Variants in MAD1L1 observed in about 807,000 individuals in gnomAD.
The protein encoded by MAD1L1 is mitotic arrest deficient 1 like 1, also known as mitotic spindle assembly checkpoint protein MAD1.
MAD1L1 carries 95 observed loss-of-function variants against 96.9 expected under a neutral mutation model. The ratio of observed to expected loss-of-function variants is 0.98; its 90% CI spans 0.83 to 1.16. MAD1L1 has a LOEUF of 1.16. Ranked by LOEUF, MAD1L1 falls within the 50% of genes most tolerant of loss-of-function variation. MAD1L1 has a pLI of 0.00. For missense variants in MAD1L1, 1,007 were observed against 954.4 expected (o/e 1.06, Z -0.73); for synonymous variants, 473 against 396.6 (o/e 1.19, Z -2.29).
intron 12 of MAD1L1, among the ~76,000 whole-genome samples, chr7:2,037,757 T>C (rs759947132): frequency 1.1e-4 from 17 of 152,162 alleles, no homozygotes; most frequent in Non-Finnish European, 2.2e-4. Flanking sequence ...GCTGCTTCAC[T>C]GACCAGCCAT....
intron 18 of MAD1L1, among the ~76,000 whole-genome samples, chr7:1,886,168 C>T (rs1024805819): frequency 6.6e-6 from 1 of 152,236 alleles, no homozygotes; most frequent in Non-Finnish European, 1.5e-5. Flanking sequence ...TGGCGGCAAG[C>T]TCTGGGCCTG....
intron 18 of MAD1L1, among the ~76,000 whole-genome samples, chr7:1,853,353 C>T (rs191641383): frequency 2.6e-5 from 4 of 152,282 alleles, no homozygotes; most frequent in Middle Eastern, 3.4e-3. Context: ...GCAGGTAGCC[C>T]GGTCCCTCTG....
chr7:2,193,526 T>C (rs1334402064), intron 10 of MAD1L1: 2 of 152,206 alleles, frequency 1.3e-5, no homozygotes, highest in African/African-American at 2.4e-5. Context: ...CAAATATTTG[T>C]TGAATGGAAC....
intron 11 of MAD1L1, among the ~76,000 whole-genome samples, chr7:2,078,046 A>G (rs768363334): frequency 3.9e-5 from 6 of 152,198 alleles, no homozygotes; most frequent in African/African-American, 7.2e-5. Context: ...CCTTGCTAAG[A>G]GGGAACACCG....
intron 10 of MAD1L1, among the ~76,000 whole-genome samples, chr7:2,163,361 G>A (rs1453548947): frequency 1.3e-5 from 2 of 152,096 alleles, no homozygotes; most frequent in African/African-American, 2.4e-5. Flanking sequence ...GCACACAGGC[G>A]ACAGTATGTA....
intron 14 of MAD1L1, among the ~76,000 whole-genome samples, chr7:1,990,104 A>G (rs758660838): frequency 6.6e-6 from 1 of 152,232 alleles, no homozygotes; most frequent in Admixed American, 6.5e-5. Context: ...GGGCGTCCAC[A>G]TGCGCGTGCA....
rs1360471765 is a variant in MAD1L1, at chr7:2,119,534, GGTCCC to G, written c.1073+29613_1073+29617del. Among the ~76,000 whole-genome samples, 9 of 152,192 alleles carry G rather than the reference GGTCCC, an allele frequency of 5.9e-5. No homozygotes were observed. Among genetic ancestry groups the G allele is most frequent in the African/African-American group, 1.9e-4 (8 of 41,444 alleles). ...GCAAGTTGACCCCAGGCAGCTCTCA[GGTCCC>G]GACTGTGGGGACAGCACGTGCCCGA... On this transcript the variant is annotated intron_variant, in intron 11 of 18. Transcript: ENST00000265854. This position sits in a 1 kb window ranked among gnomAD's most constrained non-coding sequence, Gnocchi z 4.6.
At chr7:2,009,076 A>G (rs1054834243) in intron 13 of MAD1L1, among the ~76,000 whole-genome samples, 2 of 152,188 alleles carry the variant, frequency 1.3e-5, no homozygotes, top group Non-Finnish European at 2.9e-5. Flanking sequence ...CCTCCACCCA[A>G]GCAGCTGAAG....
chr7:2,181,633 T>C (rs1382841530), intron 10 of MAD1L1, among the ~76,000 whole-genome samples: 3 of 152,174 alleles, frequency 2.0e-5, no homozygotes, highest in African/African-American at 7.2e-5. Flanking sequence ...AGTACAAAGA[T>C]TCCTTCGAGA....
At chr7:2,123,873 C>T (rs889679763) in intron 11 of MAD1L1, among the ~76,000 whole-genome samples, 2 of 152,236 alleles carry the variant, frequency 1.3e-5, no homozygotes, top group Non-Finnish European at 2.9e-5. Context: ...TTAGCCAGCG[C>T]CCTTTTCCGC....
intron 10 of MAD1L1, among the ~76,000 whole-genome samples, chr7:2,163,367 A>T (rs1444712949): frequency 6.6e-6 from 1 of 152,048 alleles, no homozygotes; most frequent in Admixed American, 6.5e-5. Context: ...AGGCGACAGT[A>T]TGTATTCTTT....
chr7:2,143,975 A>G (rs964022746), intron 11 of MAD1L1, among the ~76,000 whole-genome samples: 1 of 152,212 alleles, frequency 6.6e-6, no homozygotes, highest in African/African-American at 2.4e-5. Context: ...TCAAACAGGC[A>G]AAACAGCACC....
intron 18 of MAD1L1, among the ~76,000 whole-genome samples, chr7:1,831,494 T>C (rs1333325629): frequency 2.6e-5 from 4 of 152,256 alleles, no homozygotes; most frequent in Non-Finnish European, 5.9e-5. Context: ...GGCTTCTAGG[T>C]GTTCAAGTGA....
intron 12 of MAD1L1, among the ~76,000 whole-genome samples, chr7:2,038,870 T>C (rs1198626734): frequency 6.6e-6 from 1 of 152,116 alleles, no homozygotes; most frequent in Non-Finnish European, 1.5e-5. Flanking sequence ...TAAAAAATAA[T>C]ACAGAGATCA....
At chr7:2,228,420 T>C (rs1794020789) in intron 3 of MAD1L1, among the ~76,000 whole-genome samples, 1 of 151,860 alleles carries the variant, frequency 6.6e-6, no homozygotes, top group South Asian at 2.1e-4. Flanking sequence ...ACCCGCCTAA[T>C]TTTTGTATTT....
intron 12 of MAD1L1, among the ~76,000 whole-genome samples, chr7:2,017,441 C>T (rs1023998303): frequency 1.3e-5 from 2 of 152,212 alleles, no homozygotes; most frequent in Non-Finnish European, 2.9e-5. Context: ...TCGGCATCAC[C>T]TGGAAGAAGT....
intron 17 of MAD1L1, among the ~76,000 whole-genome samples, chr7:1,924,470 G>A (rs1788985505): frequency 1.3e-5 from 2 of 152,192 alleles, no homozygotes; most frequent in South Asian, 4.1e-4. Flanking sequence ...CAGAAGATGG[G>A]GAAACAGTGT....
intron 10 of MAD1L1, among the ~76,000 whole-genome samples, chr7:2,198,082 G>C (rs886842981): frequency 6.6e-6 from 1 of 150,638 alleles, no homozygotes; most frequent in Non-Finnish European, 1.5e-5. Context: ...CATGAGTTTG[G>C]GTTTTTTTTT....
At chr7:2,219,483 G>A (rs377570944) in intron 5 of MAD1L1, 27 bp from the exon 6 acceptor site, 147 of 1,608,590 alleles carry the variant, frequency 9.1e-5, no homozygotes, top group Non-Finnish European at 1.1e-4. Context: ...CCAGAGAGCC[G>A]CTCAGTGAGT....
Sources: gnomAD v4.1 joint callset for allele counts (sites outside exome capture counted in the v4.1 genomes callset) on GRCh38, gnomAD v4.1.1 for gene constraint, Gnocchi (gnomAD v3.1) non-coding constraint, MANE v1.5 for transcripts, NCBI Gene and HGNC (gene_info 2026-07-23, HGNC 2026-07-21) for gene names.